Variants in MTBP observed in about 807,000 individuals in gnomAD.
MTBP encodes MDM2 binding protein, also known as mdm2-binding protein.
A neutral mutation model predicts 117.0 loss-of-function variants in MTBP; 101 were observed. That is an observed-to-expected ratio of 0.86 (90% confidence interval 0.73 to 1.02). MTBP has a LOEUF of 1.02. MTBP is among the 50% of genes least tolerant of loss of function. The pLI, the probability that MTBP is intolerant of heterozygous loss-of-function variation, is 0.00. For missense variants in MTBP, 970 were observed against 1,030.9 expected, an observed-to-expected ratio of 0.94 and a Z score of 0.81; for synonymous variants, 350 against 351.5, an observed-to-expected ratio of 1.00 and a Z score of 0.05.
At chr8:120,462,120 A>G (rs1187087313) in intron 9 of MTBP, among the ~76,000 whole-genome samples, 1 of 152,158 alleles carries the variant, frequency 6.6e-6, no homozygotes, top group Non-Finnish European at 1.5e-5. Context: ...TCAGGTCCTA[A>G]AAGACCTTAC....
intron 11 of MTBP, among the ~76,000 whole-genome samples, chr8:120,485,306 A>G (rs1239528776): frequency 2.0e-5 from 3 of 152,036 alleles, no homozygotes; most frequent in Non-Finnish European, 2.9e-5. Context: ...TTAAATTTCC[A>G]TTGTGATTTC....
intron 12 of MTBP, among the ~76,000 whole-genome samples, chr8:120,489,507 G>A (rs1194286644): frequency 2.6e-5 from 4 of 152,282 alleles, no homozygotes; most frequent in East Asian, 1.9e-4. Flanking sequence ...CTGCCACAGC[G>A]TGGAGAATAG....
chr8:120,460,113 G>A lies in MTBP; in HGVS notation c.882+764G>A, dbSNP rs550322866. Among the ~76,000 whole-genome samples the A allele has an allele frequency of 5.9e-5, 9 of 152,052 alleles. No homozygotes were observed. The South Asian group carries it at 1.9e-3, about 32-fold the overall frequency. ...GTTAATATTTTCTAATCAAAGGGTG[G>A]TACAAAAAGAGGGTATCATTTGATT... is the stretch of plus-strand genomic sequence containing the variant. On this transcript the variant is annotated intron_variant, in intron 8 of 21. Coordinates refer to ENST00000305949, the MANE Select transcript of MTBP (RefSeq NM_022045.5).
intron 20 of MTBP, among the ~76,000 whole-genome samples, chr8:120,521,544 C>T (rs1376166171): frequency 6.6e-6 from 1 of 152,040 alleles, no homozygotes; most frequent in Non-Finnish European, 1.5e-5. Context: ...CACCAAGTAG[C>T]AACATAAGCA....
chr8:120,468,865 C>G (rs1813753866), intron 10 of MTBP, among the ~76,000 whole-genome samples: 1 of 152,062 alleles, frequency 6.6e-6, no homozygotes, highest in Non-Finnish European at 1.5e-5. Flanking sequence ...TGCTTTGGAG[C>G]TTCTTTTCGG....
chr8:120,454,390 C>T (rs905162606), intron 5 of MTBP, among the ~76,000 whole-genome samples: 10 of 151,968 alleles, frequency 6.6e-5, no homozygotes, highest in African/African-American at 2.4e-4. Context: ...TTTTTTTCCC[C>T]ATAGTGGAAA....
intron 17 of MTBP, among the ~76,000 whole-genome samples, chr8:120,513,807 T>C (rs904429845): frequency 6.6e-6 from 1 of 152,022 alleles, no homozygotes; most frequent in African/African-American, 2.4e-5. Flanking sequence ...TTACTCTAGA[T>C]TCTACCAATT....
intron 14 of MTBP, among the ~76,000 whole-genome samples, 190 bp from the exon 15 acceptor site, chr8:120,502,302 A>G (rs898605648): frequency 6.6e-6 from 1 of 152,172 alleles, no homozygotes; most frequent in Non-Finnish European, 1.5e-5. Flanking sequence ...TTTATTTGCA[A>G]CAAACATTTC....
intron 11 of MTBP, among the ~76,000 whole-genome samples, chr8:120,482,239 ATCCTTT>A (rs1374516018): frequency 1.3e-5 from 2 of 152,144 alleles, no homozygotes; most frequent in Non-Finnish European, 2.9e-5. Context: ...TCACTGAAGA[ATCCTTT>A]AGATGCTTTG....
chr8:120,517,787 G>A (rs1225966126), intron 18 of MTBP, 64 bp from the exon 19 acceptor site: 2 of 1,490,888 alleles, frequency 1.3e-6, no homozygotes, highest in African/African-American at 2.8e-5. Flanking sequence ...ATTTAAGACA[G>A]AAAATGAACT....
intron 11 of MTBP, chr8:120,473,810 AC>A (rs1293725336): frequency 1.3e-5 from 2 of 152,094 alleles, no homozygotes; most frequent in African/African-American, 2.4e-5. Context: ...CGCTTATTCT[AC>A]ATATAGTCAT....
intron 2 of MTBP, among the ~76,000 whole-genome samples, chr8:120,449,872 A>G (rs1813302337): frequency 6.6e-6 from 1 of 152,302 alleles, no homozygotes; most frequent in Admixed American, 6.5e-5. Flanking sequence ...GTGTTCTTTC[A>G]GTGGCATATT....
intron 9 of MTBP, among the ~76,000 whole-genome samples, chr8:120,462,058 G>T (rs372947873): frequency 1.1e-4 from 16 of 152,212 alleles, no homozygotes; most frequent in African/African-American, 3.6e-4. Flanking sequence ...TTGGCTTGGG[G>T]GTGTTGAGGG....
At chr8:120,473,876 T>G (rs940340201) in intron 11 of MTBP, 1 of 152,114 alleles carries the variant, frequency 6.6e-6, no homozygotes, top group Non-Finnish European at 1.5e-5. Flanking sequence ...TGATTAGACA[T>G]ATGTAGACAT....
At chr8:120,466,155 C>A (rs1351611116) in intron 10 of MTBP, among the ~76,000 whole-genome samples, 1 of 149,496 alleles carries the variant, frequency 6.7e-6, no homozygotes, top group East Asian at 2.0e-4. Context: ...GAAAACAAAT[C>A]TAAATATGAA....
intron 11 of MTBP, chr8:120,473,268 T>A (rs1234359396): frequency 6.6e-6 from 1 of 152,186 alleles, no homozygotes; most frequent in Non-Finnish European, 1.5e-5. Flanking sequence ...GAATCCACAG[T>A]GTGAAACCCA....
chr8:120,473,339 A>C (rs1473753797), intron 11 of MTBP: 1 of 151,914 alleles, frequency 6.6e-6, no homozygotes, highest in East Asian at 1.9e-4. Flanking sequence ...TTAGGAAATG[A>C]TATGGTAAAT....
chr8:120,456,593 G>A lies in MTBP; in HGVS notation c.670G>A (p.Val224Ile). 1 of 1,596,304 alleles carries A rather than the reference G, an allele frequency of 6.3e-7. No homozygotes were observed. The highest frequency in any genetic ancestry group is 8.6e-7 in the Non-Finnish European group (1 of 1,168,738). Reference sequence around the variant, plus strand: ...TGCAGAATACCTTTCTGCTAATGTTGTATCTTTAGAAGATCTCAGAAATGT... The same window carrying A: ...TGCAGAATACCTTTCTGCTAATGTTATATCTTTAGAAGATCTCAGAAATGT... ...KIAEYLSANV[V>I]SLEDLRNVID... Residue 224 changes from valine (V) to isoleucine (I), a missense_variant, in exon 7 of 22, where the codon GTA becomes ATA. Physicochemically the swap from Val to Ile is conservative, Grantham distance 29. Transcript: ENST00000305949.
At chr8:120,501,201 A>T (rs1475408808) in intron 14 of MTBP, among the ~76,000 whole-genome samples, 5 of 146,122 alleles carry the variant, frequency 3.4e-5, no homozygotes, top group Non-Finnish European at 6.0e-5. Flanking sequence ...AAAAAAAAAA[A>T]AAAAAAAAAA....
Sources: gnomAD v4.1 joint callset for allele counts (sites outside exome capture counted in the v4.1 genomes callset) on GRCh38, gnomAD v4.1.1 for gene constraint, MANE v1.5 for transcripts, NCBI Gene and HGNC (gene_info 2026-07-23, HGNC 2026-07-21) for gene names.